The following PRDM11 variants were observed in gnomAD, a reference collection of about 807,000 sequenced individuals.
PRDM11 encodes PR domain-containing protein 11.
In PRDM11, 20 loss-of-function variants were observed where a neutral mutation model predicts 97.8. The ratio of observed to expected loss-of-function variants is 0.20; its 90% CI spans 0.14 to 0.30. PRDM11 has a LOEUF of 0.30. PRDM11 is among the 10% of genes least tolerant of loss of function. The pLI, the probability that PRDM11 is intolerant of heterozygous loss-of-function variation, is 1.00. For missense variants in PRDM11, 1,139 were observed against 1,555.2 expected (o/e 0.73, Z 4.50); for synonymous variants, 599 against 637.7 (o/e 0.94, Z 0.91).
At chr11:45,120,516 T>C (rs1852405604) in intron 1 of PRDM11, among the ~76,000 whole-genome samples, 1 of 152,136 alleles carries the variant, frequency 6.6e-6, no homozygotes, top group Non-Finnish European at 1.5e-5. Context: ...ACAGTAAAAC[T>C]GACCACTGGT....
chr11:45,134,309 G>A (rs183066421), intron 1 of PRDM11, among the ~76,000 whole-genome samples: 10 of 152,158 alleles, frequency 6.6e-5, no homozygotes, highest in East Asian at 3.9e-4. Flanking sequence ...ACTCATAAGC[G>A]TACTCCCCGA....
At chr11:45,188,123 A>G (rs545788275) in intron 4 of PRDM11, among the ~76,000 whole-genome samples, 18 of 151,536 alleles carry the variant, frequency 1.2e-4, no homozygotes, top group African/African-American at 4.4e-4. Context: ...TTCCCTCCAC[A>G]CTCCCTCCCT....
rs1205930134 is a variant in PRDM11, at chr11:45,227,928, C to T, written c.3303C>T (p.Asn1101=). The change falls in exon 8 of 8, where the codon AAC becomes AAT. Residue 1101 remains asparagine, a synonymous_variant. Transcript: ENST00000683152. The surrounding 1 kb of genome is among the most constrained non-coding windows in gnomAD (Gnocchi z 8.0). ...ATGCCCTCCAGCGAGTTCGCAAAAA[C>T]CACCGCTCCCGCCTGACCCTGGAGC... The part of the protein sequence containing the change: ...GRNALQRVRK[N]HRSRLTLEQL... 2.6e-6 allele frequency: 4 copies of T among 1,533,922 alleles called. No homozygotes were observed. Among genetic ancestry groups the T allele is most frequent in the South Asian group, 2.4e-5 (2 of 83,960 alleles).
rs971402095 is a variant in PRDM11 at position 45,226,877 on chromosome 11, C to T, written c.2252C>T (p.Thr751Met). The change falls in exon 8 of 8, where the codon ACG becomes ATG. Residue 751 changes from threonine (T) to methionine (M), a missense_variant. By Grantham distance (81) the Thr-to-Met change is moderately conservative (BLOSUM62 -1). Around this residue, in one of 2 missense-constraint regions of PRDM11, gnomAD observed 710 missense variants for 1,044.9 expected, o/e 0.68. Transcript: ENST00000683152. ...AGCATGTTCATGACCATCCGCAAGA[C>T]GCTGCCCTGGCTGCTGTGCCTGCCC... ...RASMFMTIRK[T>M]LPWLLCLPFM... 6 of 1,533,952 alleles carry T rather than the reference C, an allele frequency of 3.9e-6. No homozygotes were observed. The highest frequency in any genetic ancestry group is 3.5e-6 in the Non-Finnish European group (4 of 1,146,740).
intron 5 of PRDM11, among the ~76,000 whole-genome samples, chr11:45,206,806 CT>C (rs1400477186): frequency 1.3e-5 from 2 of 152,212 alleles, no homozygotes; most frequent in African/African-American, 4.8e-5. Context: ...AGTGGTCAAG[CT>C]GAGAGCAGGG....
chr11:45,212,527 G>A lies in PRDM11; in HGVS notation c.555-7043G>A, dbSNP rs747672523. 3.3e-5 allele frequency: 15 copies of A among 454,844 alleles called. 1 individual carries two copies. Among genetic ancestry groups the A allele is most frequent in the South Asian group, 2.3e-4 (15 of 64,360 alleles). 28.2% of individuals were successfully genotyped at this position (454,844 alleles called of 1,614,324 possible). ...GGCAGCCTCTTCGGGTGCCTCTGCA[G>A]CGGTCTCCGGAGGAAGAGGCCCACC... On this transcript the variant is annotated intron_variant, in intron 5 of 7. Transcript: ENST00000683152.
chr11:45,187,734 C>T (rs552113034), intron 4 of PRDM11, among the ~76,000 whole-genome samples: 1 of 152,150 alleles, frequency 6.6e-6, no homozygotes, highest in South Asian at 2.1e-4. Flanking sequence ...CCTTTGGGAA[C>T]CCAAGAGGTG....
At chr11:45,109,795 C>A (rs1336960006) in intron 1 of PRDM11, among the ~76,000 whole-genome samples, 1 of 152,178 alleles carries the variant, frequency 6.6e-6, no homozygotes, top group Non-Finnish European at 1.5e-5. Context: ...AAGATTGAAG[C>A]ACTAGATGGG....
Position 45,122,202 on chromosome 11 carries a change from G to GACACACAC in PRDM11, c.96+26329_96+26336dup, listed in dbSNP as rs756403475. 2.8e-3 allele frequency among the ~76,000 whole-genome samples: 405 copies of GACACACAC among 145,130 alleles called. 4 individuals are homozygous for GACACACAC. The highest frequency in any genetic ancestry group is 7.0e-3 in the Middle Eastern group (2 of 286). ...AGAGACACAGACAGACACACACACAGACACACACACACACACACACACACA... is the reference window on the plus strand; with the variant it reads ...AGAGACACAGACAGACACACACACAGACACACACACACACACACACACACACACACACA... On this transcript the variant is annotated intron_variant, in intron 1 of 6. Coordinates refer to the PRDM11 transcript ENST00000530656.
At chr11:45,207,717 C>G (rs1853568073) in intron 5 of PRDM11, among the ~76,000 whole-genome samples, 1 of 152,208 alleles carries the variant, frequency 6.6e-6, no homozygotes, top group Non-Finnish European at 1.5e-5. Context: ...AGTTCCAGGT[C>G]TAGTCCCATA....
chr11:45,110,787 G>T (rs976166978), intron 1 of PRDM11, among the ~76,000 whole-genome samples: 9 of 152,140 alleles, frequency 5.9e-5, no homozygotes, highest in Admixed American at 1.3e-4. Flanking sequence ...TACTTCATTT[G>T]TCCAGCAGAT....
rs1264329079 is a variant in PRDM11 at position 45,226,079 on chromosome 11, A to G, written c.1454A>G (p.Asp485Gly). ...TCAGCAGATGAATCTGTCTCCAATG[A>G]TATGATGACAGCGACGGATGAGCCC... Reference protein sequence around the residue: ...VDSADESVSNDMMTATDEPSK... With the variant: ...VDSADESVSNGMMTATDEPSK... The change falls in exon 8 of 8, where the codon GAT (aspartate) becomes GGT (glycine). Residue 485 changes from aspartate to glycine, a missense_variant. Coordinates refer to ENST00000683152, the MANE Select transcript of PRDM11 (RefSeq NM_001384648.1). 1.8e-5 allele frequency: 27 copies of G among 1,530,418 alleles called. No homozygotes were observed. The highest frequency in any genetic ancestry group is 2.4e-5 in the South Asian group (2 of 83,926). 94.8% of individuals were successfully genotyped at this position (1,530,418 alleles called of 1,614,324 possible). A position where few individuals can be genotyped will look rare whatever the true frequency, so the allele number is the denominator to read the frequency against.
At chr11:45,199,807 G>T (rs899556928) in intron 4 of PRDM11, among the ~76,000 whole-genome samples, 6 of 152,130 alleles carry the variant, frequency 3.9e-5, no homozygotes, top group African/African-American at 1.2e-4. Context: ...TGGTCCACAG[G>T]CCCTGCGAGA....
At chr11:45,104,446 C>A (rs1852027853) in intron 1 of PRDM11, among the ~76,000 whole-genome samples, 1 of 152,194 alleles carries the variant, frequency 6.6e-6, no homozygotes, top group Admixed American at 6.5e-5. Context: ...ACGTGCCCTT[C>A]CTGCTGCTCA....
intron 1 of PRDM11, among the ~76,000 whole-genome samples, chr11:45,158,998 C>G (rs1237695012): frequency 6.6e-6 from 1 of 152,146 alleles, no homozygotes; most frequent in Non-Finnish European, 1.5e-5. Flanking sequence ...CCCCCCCTTC[C>G]TAGTTCTGTG....
At chr11:45,189,854 G>GCTCAGAGAAGTGAGGAGTA (rs1313845225) in intron 4 of PRDM11, among the ~76,000 whole-genome samples, 1 of 152,170 alleles carries the variant, frequency 6.6e-6, no homozygotes, top group African/African-American at 2.4e-5. Context: ...GTTCGGGGAT[G>GCTCAGAGAAGTGAGGAGTA]CTCAGAGAAG....
chr11:45,215,002 G>A (rs1372487772), intron 5 of PRDM11, among the ~76,000 whole-genome samples: 1 of 152,204 alleles, frequency 6.6e-6, no homozygotes, highest in Admixed American at 6.5e-5. Context: ...CAAAAGTGAG[G>A]TGTTGCTAAG....
upstream of PRDM11, among the ~76,000 whole-genome samples, chr11:45,144,073 G>A (rs1222129937): frequency 6.6e-6 from 1 of 152,178 alleles, no homozygotes; most frequent in African/African-American, 2.4e-5. Context: ...CCCTCCAACT[G>A]CCTAGGGCTT....
chr11:45,105,533 C>T (rs1251013619), intron 1 of PRDM11, among the ~76,000 whole-genome samples: 1 of 152,258 alleles, frequency 6.6e-6, no homozygotes, highest in African/African-American at 2.4e-5. Context: ...CACCTCATCA[C>T]TGTGAGAGGG....
Sources: allele counts gnomAD v4.1 joint callset (sites outside exome capture counted in the v4.1 genomes callset), GRCh38; gene constraint gnomAD v4.1.1; regional missense constraint gnomAD v4.1.1; non-coding constraint Gnocchi (gnomAD v3.1); transcripts MANE v1.5; gene names NCBI Gene and HGNC (gene_info 2026-07-23, HGNC 2026-07-21).